Variants in TRDN observed in about 807,000 individuals in gnomAD.
The protein encoded by TRDN is triadin, also known as triadin in skeletal muscle.
Under a neutral mutation model 149.7 loss-of-function variants are expected in TRDN, and 161 were observed. The observed-to-expected ratio is 1.08, with a 90% CI of 0.95 to 1.23. TRDN has a LOEUF of 1.23. Among genes scored for constraint, TRDN ranks in the 50% most tolerant of loss-of-function variants. The probability of loss-of-function intolerance (pLI) is 0.00; values close to 1 mark genes in which losing one functional copy is unlikely to be tolerated. For synonymous variants in TRDN, 294 were observed against 250.5 expected (o/e 1.17, Z -1.64); for missense variants, 896 against 823.5 (o/e 1.09, Z -1.08).
rs367746461 is a variant in TRDN at position 123,428,789 on chromosome 6, G to C, written c.1051+9274C>G. ...ACTTCTGCCTTGATTTTTGCGTGAG[G>C]CCTTGTATTTACCCTATTATAGTGC... On this transcript the variant is annotated intron_variant, in intron 12 of 40. Coordinates refer to ENST00000334268, the MANE Select transcript of TRDN (RefSeq NM_006073.4). Among the ~76,000 whole-genome samples the C allele has an allele frequency of 9.9e-4, 150 of 152,162 alleles. 2 individuals carry two copies. In the South Asian group the frequency reaches 0.022, roughly 22 times the overall value.
intron 2 of TRDN, among the ~76,000 whole-genome samples, chr6:123,562,297 C>G (rs1782045478): frequency 6.6e-6 from 1 of 152,224 alleles, no homozygotes; most frequent in Non-Finnish European, 1.5e-5. Flanking sequence ...AATAAACAGC[C>G]TTGTTGCTCA....
intron 38 of TRDN, among the ~76,000 whole-genome samples, chr6:123,234,780 A>T (rs73771544): frequency 0.053 from 8,071 of 152,160 alleles, 638 homozygotes; most frequent in African/African-American, 0.18. Context: ...AATAGAATTG[A>T]CCCTTCTGTC....
chr6:123,226,019 AG>A (rs1419501631), intron 38 of TRDN, among the ~76,000 whole-genome samples: 1 of 151,860 alleles, frequency 6.6e-6, no homozygotes, highest in African/African-American at 2.4e-5. Flanking sequence ...CTAACAGGAA[AG>A]CAATGTGACC....
chr6:123,342,284 T>G (rs540521003), intron 21 of TRDN, among the ~76,000 whole-genome samples: 1 of 151,984 alleles, frequency 6.6e-6, no homozygotes, highest in African/African-American at 2.4e-5. Context: ...ACTTCTATTT[T>G]AATGTTGGGG....
intron 24 of TRDN, among the ~76,000 whole-genome samples, chr6:123,291,706 G>T (rs1000792635): frequency 1.3e-5 from 2 of 152,094 alleles, no homozygotes; most frequent in African/African-American, 4.8e-5. Context: ...TATGATTAAA[G>T]AAAATTATTT....
At chr6:123,505,019 G>A (rs1778854451) in intron 7 of TRDN, among the ~76,000 whole-genome samples, 1 of 152,100 alleles carries the variant, frequency 6.6e-6, no homozygotes, top group Non-Finnish European at 1.5e-5. Flanking sequence ...ACCAAGGCGG[G>A]CGGGTCATGA....
At chr6:123,521,534 A>T (rs1779680296) in intron 5 of TRDN, among the ~76,000 whole-genome samples, 1 of 152,102 alleles carries the variant, frequency 6.6e-6, no homozygotes, top group Non-Finnish European at 1.5e-5. Context: ...GGCATGGAAC[A>T]GATTCTTCGT....
At chr6:123,587,032 C>CG in intron 1 of TRDN, among the ~76,000 whole-genome samples, 1 of 151,730 alleles carries the variant, frequency 6.6e-6, no homozygotes, top group East Asian at 2.0e-4. Flanking sequence ...TCTAGAAAAG[C>CG]GGGACTTGCT....
chr6:123,573,672 T>C (rs1399932197), intron 1 of TRDN, among the ~76,000 whole-genome samples: 2 of 152,064 alleles, frequency 1.3e-5, no homozygotes, highest in African/African-American at 2.4e-5. Context: ...AAGAGGAACA[T>C]ACAGTATAAT....
At chr6:123,515,985 T>C (rs188754955) in intron 6 of TRDN, among the ~76,000 whole-genome samples, 156 bp downstream of exon 6, 183 of 152,236 alleles carry the variant, frequency 1.2e-3, no homozygotes, top group African/African-American at 4.3e-3. Context: ...TTTATTTCTC[T>C]CAATCCAGAA....
chr6:123,585,573 A>T (rs1490957631), intron 1 of TRDN, among the ~76,000 whole-genome samples: 4 of 152,164 alleles, frequency 2.6e-5, no homozygotes, highest in Non-Finnish European at 5.9e-5. Flanking sequence ...CTAAGCCAAG[A>T]AGATCTGGGA....
chr6:123,556,283 A>G lies in TRDN; in HGVS notation c.233-7671T>C, dbSNP rs146869560. On this transcript the variant is annotated intron_variant, in intron 2 of 40. Coordinates refer to ENST00000334268, the MANE Select transcript of TRDN (RefSeq NM_006073.4). The stretch of plus-strand genomic sequence containing the variant: ...AATAGTTGTATACAATCACTTGAAC[A>G]ATAAATCAAAATTATATAAGTGATT... 9.8e-4 allele frequency among the ~76,000 whole-genome samples: 149 copies of G among 152,284 alleles called. 4 individuals are homozygous for G. The East Asian group carries it at 0.027, about 28-fold the overall frequency.
chr6:123,251,281 T>C (rs1003771111), intron 38 of TRDN, among the ~76,000 whole-genome samples: 1 of 152,102 alleles, frequency 6.6e-6, no homozygotes, highest in South Asian at 2.1e-4. Context: ...AATATTAACA[T>C]TGGGTACAGT....
intron 23 of TRDN, among the ~76,000 whole-genome samples, chr6:123,318,326 A>G (rs1052580602): frequency 3.3e-5 from 5 of 152,002 alleles, no homozygotes; most frequent in African/African-American, 9.7e-5. Context: ...GTGCTGGTCA[A>G]TTATTGACTT....
At chr6:123,627,516 A>G (rs1785741474) in intron 1 of TRDN, among the ~76,000 whole-genome samples, 1 of 152,122 alleles carries the variant, frequency 6.6e-6, no homozygotes, top group Non-Finnish European at 1.5e-5. Flanking sequence ...AGCACAGGCA[A>G]AGTAAATTTA....
intron 24 of TRDN, among the ~76,000 whole-genome samples, chr6:123,293,515 C>T (rs1330169218): frequency 6.6e-6 from 1 of 152,024 alleles, no homozygotes; most frequent in African/African-American, 2.4e-5. Flanking sequence ...GTGCATTCTT[C>T]CAGATCACAA....
At chr6:123,374,776 A>C (rs1455534819) in intron 19 of TRDN, among the ~76,000 whole-genome samples, 1 of 151,072 alleles carries the variant, frequency 6.6e-6, no homozygotes, top group Non-Finnish European at 1.5e-5. Context: ...TCCATCAAAA[A>C]AAACAAAAAC....
chr6:123,577,907 T>C (rs936825953), intron 1 of TRDN, among the ~76,000 whole-genome samples: 2 of 152,226 alleles, frequency 1.3e-5, no homozygotes, highest in Non-Finnish European at 2.9e-5. Flanking sequence ...GCTTTCTTCA[T>C]GTGCTTGTTG....
chr6:123,539,392 C>G (rs1204012158), intron 4 of TRDN, among the ~76,000 whole-genome samples: 1 of 152,264 alleles, frequency 6.6e-6, no homozygotes, highest in Admixed American at 6.5e-5. Flanking sequence ...CCAGATGAAA[C>G]TCTTGATAAA....
Sources: allele counts gnomAD v4.1 joint callset (sites outside exome capture counted in the v4.1 genomes callset), GRCh38; gene constraint gnomAD v4.1.1; transcripts MANE v1.5; gene names NCBI Gene and HGNC (gene_info 2026-07-23, HGNC 2026-07-21).